Variants in KLHL1 observed in about 807,000 individuals in gnomAD.
KLHL1 encodes kelch-like protein 1.
A neutral mutation model predicts 77.7 loss-of-function variants in KLHL1; 47 were observed. The observed-to-expected ratio is 0.60, with a 90% CI of 0.48 to 0.77. The LOEUF is 0.77. Among genes scored for constraint, KLHL1 ranks in the 30% least tolerant of loss-of-function variants. The pLI is 0.00. For missense variants in KLHL1, 925 were observed against 910.8 expected (o/e 1.02, Z -0.20); for synonymous variants, 360 against 325.2 (o/e 1.11, Z -1.15).
rs192825375 is a variant in KLHL1 at position 70,024,879 on chromosome 13, A to T, written c.498-49077T>A. Among the ~76,000 whole-genome samples the T allele has an allele frequency of 5.5e-4, 84 of 152,016 alleles. 1 individual carries two copies. Among genetic ancestry groups the T allele is most frequent in the African/African-American group, 2.0e-3 (84 of 41,514 alleles). ...CCAGAAGAGTCTTCCTGTGCCTCTAAGGATATGCAGACACCAGTGTGAAAA... is the reference window on the plus strand; with the variant it reads ...CCAGAAGAGTCTTCCTGTGCCTCTATGGATATGCAGACACCAGTGTGAAAA... On this transcript the variant is annotated intron_variant, in intron 1 of 10. Transcript: ENST00000377844.
chr13:69,812,210 G>T (rs1326868001), intron 6 of KLHL1, among the ~76,000 whole-genome samples: 3 of 152,110 alleles, frequency 2.0e-5, no homozygotes, highest in Non-Finnish European at 4.4e-5. Context: ...CAATTGAGCG[G>T]TTCTGAGTGA....
chr13:69,758,059 A>C (rs1041558842), intron 7 of KLHL1, among the ~76,000 whole-genome samples: 1 of 150,500 alleles, frequency 6.6e-6, no homozygotes, highest in African/African-American at 2.4e-5. Context: ...AAAAACCTTT[A>C]TTTTCTGATG....
At chr13:69,920,681 T>C (rs1323625254) in intron 4 of KLHL1, among the ~76,000 whole-genome samples, 2 of 149,860 alleles carry the variant, frequency 1.3e-5, no homozygotes, top group Non-Finnish European at 3.0e-5. Flanking sequence ...TACCTTTTCA[T>C]ACTTAAAATG....
rs759955928 is a variant in KLHL1, at chr13:70,028,652, T to C, written c.498-52850A>G. ...TCAAGAGATATTAATGAGGGAACAATTTTTCAGGGAGCATTAGTGGGTATA... is the reference window on the plus strand; with the variant it reads ...TCAAGAGATATTAATGAGGGAACAACTTTTCAGGGAGCATTAGTGGGTATA... On this transcript the variant is annotated intron_variant, in intron 1 of 10. Transcript: ENST00000377844. Among the ~76,000 whole-genome samples, 31 of 152,182 alleles carry C rather than the reference T, an allele frequency of 2.0e-4. 1 individual carries two copies. The highest frequency in any genetic ancestry group is 1.9e-4 in the Non-Finnish European group (13 of 68,012).
intron 7 of KLHL1, among the ~76,000 whole-genome samples, chr13:69,780,756 A>ACATATATATG (rs1413617240): frequency 3.0e-5 from 4 of 132,854 alleles, no homozygotes; most frequent in South Asian, 2.4e-4. Context: ...ATATATATAT[A>ACATATATATG]TACACACACA....
chr13:70,002,459 A>G (rs1241258787), intron 1 of KLHL1, among the ~76,000 whole-genome samples: 1 of 151,636 alleles, frequency 6.6e-6, no homozygotes, highest in Non-Finnish European at 1.5e-5. Flanking sequence ...TCAAAAGCAT[A>G]TTGGAAAATA....
chr13:69,892,364 T>G (rs1371528391), intron 4 of KLHL1, among the ~76,000 whole-genome samples: 1 of 152,180 alleles, frequency 6.6e-6, no homozygotes. Context: ...GATCATATAA[T>G]TTTTCTGAAA....
At chr13:69,837,025 T>C (rs1259345607) in intron 6 of KLHL1, among the ~76,000 whole-genome samples, 1 of 152,032 alleles carries the variant, frequency 6.6e-6, no homozygotes, top group East Asian at 1.9e-4. Context: ...TCTTTATATT[T>C]TGTTATGTTA....
At chr13:70,051,894 C>T (rs563409449) in intron 1 of KLHL1, among the ~76,000 whole-genome samples, 1 of 151,352 alleles carries the variant, frequency 6.6e-6, no homozygotes, top group Non-Finnish European at 1.5e-5. Flanking sequence ...CAATGCTAAA[C>T]TGAGAATTTA....
intron 4 of KLHL1, among the ~76,000 whole-genome samples, chr13:69,902,840 G>C (rs962824935): frequency 6.6e-6 from 1 of 152,062 alleles, no homozygotes; most frequent in Non-Finnish European, 1.5e-5. Flanking sequence ...CACCAACATA[G>C]CACATGTATA....
chr13:69,718,531 T>A (rs931901460), intron 9 of KLHL1, among the ~76,000 whole-genome samples: 1 of 151,934 alleles, frequency 6.6e-6, no homozygotes, highest in Non-Finnish European at 1.5e-5. Context: ...TAGAGTAGAG[T>A]TACTTATACC....
intron 6 of KLHL1, among the ~76,000 whole-genome samples, chr13:69,797,547 T>C (rs562632961): frequency 6.6e-6 from 1 of 151,852 alleles, no homozygotes; most frequent in East Asian, 1.9e-4. Context: ...CCAGGCGCAA[T>C]GGCTCACGCC....
chr13:69,720,015 C>T (rs1400876129), intron 8 of KLHL1, among the ~76,000 whole-genome samples: 3 of 151,950 alleles, frequency 2.0e-5, no homozygotes, highest in Non-Finnish European at 4.4e-5. Flanking sequence ...CATGCCTGCA[C>T]CTTGTGTTCC....
intron 1 of KLHL1, among the ~76,000 whole-genome samples, chr13:69,991,869 C>T (rs1166725682): frequency 6.6e-6 from 1 of 151,980 alleles, no homozygotes; most frequent in Non-Finnish European, 1.5e-5. Context: ...AGCATAAGGG[C>T]ATTTTATATA....
At chr13:69,992,452 T>C (rs1460494951) in intron 1 of KLHL1, among the ~76,000 whole-genome samples, 2 of 152,136 alleles carry the variant, frequency 1.3e-5, no homozygotes, top group South Asian at 2.1e-4. Flanking sequence ...ATACAGATTG[T>C]ATAAATAGAA....
chr13:69,720,306 T>C (rs1270748815), intron 8 of KLHL1, among the ~76,000 whole-genome samples: 1 of 152,120 alleles, frequency 6.6e-6, no homozygotes, highest in Non-Finnish European at 1.5e-5. Flanking sequence ...CCTAATAAAA[T>C]AGTCCTTCCC....
chr13:69,764,320 A>G (rs985958581), intron 7 of KLHL1, among the ~76,000 whole-genome samples: 6 of 152,140 alleles, frequency 3.9e-5, no homozygotes, highest in African/African-American at 1.4e-4. Context: ...TTTTCTGTAC[A>G]TCACTTTCCT....
intron 3 of KLHL1, among the ~76,000 whole-genome samples, chr13:69,952,040 A>C (rs2137255952): frequency 6.6e-6 from 1 of 151,548 alleles, no homozygotes; most frequent in African/African-American, 2.4e-5. Flanking sequence ...CCATCTTAAG[A>C]TGTGGAAAAC....
intron 7 of KLHL1, among the ~76,000 whole-genome samples, chr13:69,758,306 T>A (rs1261720240): frequency 2.0e-5 from 3 of 152,138 alleles, no homozygotes; most frequent in Non-Finnish European, 1.5e-5. Context: ...TATAAACCAA[T>A]TCATTTAATC....
Sources: allele counts gnomAD v4.1 joint callset (sites outside exome capture counted in the v4.1 genomes callset), GRCh38; gene constraint gnomAD v4.1.1; transcripts MANE v1.5; gene names NCBI Gene and HGNC (gene_info 2026-07-23, HGNC 2026-07-21).